ADCYAP1R1: variants seen among roughly 807,000 people sequenced by gnomAD.
The protein encoded by ADCYAP1R1 is ADCYAP receptor type I.
In ADCYAP1R1, 44 loss-of-function variants were observed where a neutral mutation model predicts 67.6. The observed-to-expected ratio is 0.65, with a 90% CI of 0.51 to 0.84. ADCYAP1R1 has a LOEUF of 0.84. Ranked by LOEUF, ADCYAP1R1 falls within the 40% of genes least tolerant of loss-of-function variation. The pLI is 0.00. For synonymous variants in ADCYAP1R1, 222 were observed against 219.6 expected (o/e 1.01, Z -0.10); for missense variants, 477 against 587.9 (o/e 0.81, Z 1.95).
At chr7:31,083,196 C>G (rs755047574) in intron 6 of ADCYAP1R1, among the ~76,000 whole-genome samples, 1 of 152,234 alleles carries the variant, frequency 6.6e-6, no homozygotes, top group African/African-American at 2.4e-5. Context: ...CAGTGTCAGG[C>G]GGGGGCCACA....
intron 3 of ADCYAP1R1, among the ~76,000 whole-genome samples, chr7:31,073,817 G>A (rs957836349): frequency 6.6e-6 from 1 of 152,174 alleles, no homozygotes; most frequent in African/African-American, 2.4e-5. Flanking sequence ...TCAAGCTCTC[G>A]ATAGGGTCAG....
At chr7:31,053,900 T>A (rs1230077494) in intron 1 of ADCYAP1R1, among the ~76,000 whole-genome samples, 1 of 152,040 alleles carries the variant, frequency 6.6e-6, no homozygotes, top group Non-Finnish European at 1.5e-5. Context: ...AAGCTTTGAG[T>A]GGCGGTAGGA....
chr7:31,083,831 G>A (rs768462240), intron 6 of ADCYAP1R1, among the ~76,000 whole-genome samples: 1 of 152,190 alleles, frequency 6.6e-6, no homozygotes, highest in Non-Finnish European at 1.5e-5. Context: ...CATTTGAGAA[G>A]TGCTGATCCA....
chr7:31,095,669 C>A, intron 13 of ADCYAP1R1: 1 of 717,956 alleles, frequency 1.4e-6, no homozygotes. Flanking sequence ...ATTTCCAGAA[C>A]AAATTTAAGC....
chr7:31,084,166 C>T lies in ADCYAP1R1; in HGVS notation c.354C>T (p.Cys118=). Residue 118 remains cysteine (C), a synonymous_variant, in exon 7 of 16, where the codon TGC becomes TGT. Coordinates refer to ENST00000304166, the MANE Select transcript of ADCYAP1R1 (RefSeq NM_001118.5). ...LSDMGVVSRN[C]TEDGWSEPFP... Reference sequence around the variant, plus strand: ...ACATGGGAGTGGTGAGCCGGAACTGCACGGAGGATGGCTGGTCGGAACCCT... The same window carrying T: ...ACATGGGAGTGGTGAGCCGGAACTGTACGGAGGATGGCTGGTCGGAACCCT... 1 of 1,614,164 alleles carries T rather than the reference C, an allele frequency of 6.2e-7. No individual in the cohort carries two copies.
At position 31,086,817 on chromosome 7, in the gene ADCYAP1R1, G is replaced by A; in HGVS notation, c.824-126G>A. On this transcript the variant is annotated intron_variant, in intron 10 of 15. Transcript: ENST00000304166. This position sits in a 1 kb window ranked among gnomAD's most constrained non-coding sequence, Gnocchi z 5.0. ...TCAGGAGGCCTGGGTGTGAGGGACA[G>A]TTAGAATTCCCAGGAATTCCAAGTC... 1 of 1,096,904 alleles carries A rather than the reference G, an allele frequency of 9.1e-7. No homozygotes were observed. The highest frequency in any genetic ancestry group is 1.4e-6 in the Non-Finnish European group (1 of 721,652). 67.9% of individuals were successfully genotyped at this position (1,096,904 alleles called of 1,614,324 possible).
chr7:31,079,934 T>C (rs887811111), intron 4 of ADCYAP1R1, among the ~76,000 whole-genome samples: 1 of 152,128 alleles, frequency 6.6e-6, no homozygotes, highest in African/African-American at 2.4e-5. Context: ...AGCCAGTGAG[T>C]GATTCAGCCT....
intron 1 of ADCYAP1R1, among the ~76,000 whole-genome samples, chr7:31,062,214 T>C (rs1204872593): frequency 6.6e-6 from 1 of 152,208 alleles, no homozygotes; most frequent in Non-Finnish European, 1.5e-5. Context: ...CAGAGTATAC[T>C]CTTCCCCTGG....
intron 3 of ADCYAP1R1, among the ~76,000 whole-genome samples, chr7:31,068,461 C>T (rs573857248): frequency 2.1e-4 from 32 of 152,300 alleles, no homozygotes; most frequent in Middle Eastern, 3.4e-3. Flanking sequence ...AGTGAGGAGA[C>T]GCCCTGGCCC....
At chr7:31,077,492 T>C (rs1363173158) in intron 3 of ADCYAP1R1, among the ~76,000 whole-genome samples, 1 of 144,292 alleles carries the variant, frequency 6.9e-6, no homozygotes, top group East Asian at 2.1e-4. Flanking sequence ...TGTGTGTGTG[T>C]GTAGTGTATG....
intron 1 of ADCYAP1R1, among the ~76,000 whole-genome samples, chr7:31,057,961 C>T (rs900050367): frequency 4.6e-5 from 7 of 152,184 alleles, no homozygotes; most frequent in African/African-American, 1.7e-4. Context: ...GCACAGATGG[C>T]CCCAGCCCCA....
chr7:31,088,256 T>G (rs1795833332), intron 12 of ADCYAP1R1, among the ~76,000 whole-genome samples: 1 of 152,232 alleles, frequency 6.6e-6, no homozygotes, highest in Admixed American at 6.5e-5. Flanking sequence ...TTATTTCTCT[T>G]GTTCAGTTTT....
At chr7:31,076,370 T>C (rs777802465) in intron 3 of ADCYAP1R1, among the ~76,000 whole-genome samples, 1 of 152,036 alleles carries the variant, frequency 6.6e-6, no homozygotes, top group South Asian at 2.1e-4. Flanking sequence ...AGAGGTGGTG[T>C]CAGGCAGTGC....
intron 13 of ADCYAP1R1, among the ~76,000 whole-genome samples, chr7:31,098,548 G>T (rs1238631067): frequency 6.6e-6 from 1 of 152,150 alleles, no homozygotes; most frequent in Non-Finnish European, 1.5e-5. Context: ...ATGGTCTGGG[G>T]ACTGCAGTCT....
intron 14 of ADCYAP1R1, among the ~76,000 whole-genome samples, chr7:31,104,345 G>T (rs529641732): frequency 9.5e-4 from 145 of 152,126 alleles, no homozygotes; most frequent in African/African-American, 3.4e-3. Flanking sequence ...TGGATTTAAA[G>T]AATATATAGA....
At chr7:31,077,240 GGT>G (rs1795272109) in intron 3 of ADCYAP1R1, among the ~76,000 whole-genome samples, 2 of 152,104 alleles carry the variant, frequency 1.3e-5, no homozygotes, top group African/African-American at 4.8e-5. Flanking sequence ...TATAAGTGTG[GGT>G]GTGTGTGTAC....
chr7:31,073,551 G>A (rs1036292582), intron 3 of ADCYAP1R1, among the ~76,000 whole-genome samples: 13 of 152,188 alleles, frequency 8.5e-5, no homozygotes, highest in African/African-American at 2.9e-4. Flanking sequence ...GCTGTCTCAG[G>A]AGCCCAACTC....
At chr7:31,094,618 T>C (rs1405711359) in intron 13 of ADCYAP1R1, among the ~76,000 whole-genome samples, 2 of 152,076 alleles carry the variant, frequency 1.3e-5, no homozygotes, top group East Asian at 3.9e-4. Flanking sequence ...TAGGATACCC[T>C]ACTGAACCCT....
intron 1 of ADCYAP1R1, among the ~76,000 whole-genome samples, chr7:31,058,681 A>G (rs1443957641): frequency 1.3e-5 from 2 of 152,190 alleles, no homozygotes; most frequent in East Asian, 3.8e-4. Flanking sequence ...GAAACTAGAT[A>G]TAGATATGTG....
Sources: allele counts gnomAD v4.1 joint callset (sites outside exome capture counted in the v4.1 genomes callset), GRCh38; gene constraint gnomAD v4.1.1; non-coding constraint Gnocchi (gnomAD v3.1); transcripts MANE v1.5; gene names NCBI Gene and HGNC (gene_info 2026-07-23, HGNC 2026-07-21).